The following SRGAP3 variants were observed in gnomAD, a reference collection of about 807,000 sequenced individuals.
SRGAP3 encodes the protein SLIT-ROBO Rho GTPase-activating protein 3.
A neutral mutation model predicts 121.1 loss-of-function variants in SRGAP3; 39 were observed. The ratio of observed to expected loss-of-function variants is 0.32; its 90% CI spans 0.25 to 0.42. The LOEUF is 0.42. Ranked by LOEUF, SRGAP3 falls within the 10% of genes least tolerant of loss-of-function variation. The pLI, the probability that SRGAP3 is intolerant of heterozygous loss-of-function variation, is 1.00. For missense variants in SRGAP3, 1,213 were observed against 1,470.6 expected (o/e 0.82, Z 2.86); for synonymous variants, 601 against 570.0 (o/e 1.05, Z -0.77).
chr3:9,060,097 C>A (rs1166688861), intron 6 of SRGAP3, 134 bp downstream of exon 6: 1 of 1,407,196 alleles, frequency 7.1e-7, no homozygotes, highest in Admixed American at 1.7e-5. Flanking sequence ...CCCTTCCCCT[C>A]CAGCAGGGCT....
At chr3:9,128,318 T>G (rs1002214764) in intron 1 of SRGAP3, among the ~76,000 whole-genome samples, 2 of 152,234 alleles carry the variant, frequency 1.3e-5, no homozygotes, top group Non-Finnish European at 2.9e-5. Flanking sequence ...TAAATCAATA[T>G]AAAAGGAAGA....
At chr3:9,014,200 C>A in intron 15 of SRGAP3, 1 of 365,650 alleles carries the variant, frequency 2.7e-6, no homozygotes, top group East Asian at 6.3e-5. Context: ...TAGAGCCGGA[C>A]GGGGCATATA....
At chr3:9,002,637 T>G (rs1306960308) in intron 18 of SRGAP3, among the ~76,000 whole-genome samples, 1 of 151,518 alleles carries the variant, frequency 6.6e-6, no homozygotes, top group Admixed American at 6.6e-5. Flanking sequence ...ATAGAGAAAA[T>G]CATGAAACCA....
intron 4 of SRGAP3, among the ~76,000 whole-genome samples, chr3:9,067,379 C>T (rs17050000): frequency 0.1 from 15,428 of 151,980 alleles, 894 homozygotes; most frequent in African/African-American, 0.15. Flanking sequence ...GGTGGAAAGA[C>T]GGCTTCTCTG....
intron 3 of SRGAP3, among the ~76,000 whole-genome samples, chr3:9,285,181 T>G (rs1481367085): frequency 1.3e-5 from 2 of 152,144 alleles, no homozygotes; most frequent in South Asian, 2.1e-4. Context: ...GCTAAAATAC[T>G]TCTCCCTATG....
At chr3:9,277,089 A>C (rs1954597939) in intron 3 of SRGAP3, among the ~76,000 whole-genome samples, 2 of 152,220 alleles carry the variant, frequency 1.3e-5, no homozygotes, top group African/African-American at 4.8e-5. Context: ...CCTATTATAA[A>C]AGATTATCTT....
intron 3 of SRGAP3, among the ~76,000 whole-genome samples, chr3:9,281,063 T>C (rs551071971): frequency 1.3e-5 from 2 of 152,314 alleles, no homozygotes; most frequent in East Asian, 3.9e-4. Flanking sequence ...AATAAATTAC[T>C]GGATTGCTAT....
At chr3:9,197,350 C>T (rs1400175765) in intron 1 of SRGAP3, among the ~76,000 whole-genome samples, 1 of 152,224 alleles carries the variant, frequency 6.6e-6, no homozygotes. Flanking sequence ...TAAAAGTCAT[C>T]CTGCTGAGAA....
chr3:9,298,406 G>A (rs1954989887), intron 3 of SRGAP3, among the ~76,000 whole-genome samples: 1 of 152,138 alleles, frequency 6.6e-6, no homozygotes, highest in South Asian at 2.1e-4. Context: ...TCATCATCAT[G>A]TCTTTAGTCT....
chr3:9,011,920 G>A (rs1257520964), intron 17 of SRGAP3, among the ~76,000 whole-genome samples: 1 of 152,182 alleles, frequency 6.6e-6, no homozygotes, highest in Non-Finnish European at 1.5e-5. Context: ...TCTTTGATAA[G>A]TACACGAAGA....
chr3:9,051,859 C>T (rs1169671912), intron 9 of SRGAP3, among the ~76,000 whole-genome samples: 5 of 151,986 alleles, frequency 3.3e-5, no homozygotes, highest in Non-Finnish European at 7.4e-5. Context: ...ACTACAGGTG[C>T]ACGCCACCAC....
chr3:9,362,919 T>A (rs2030985156), exon 1 of SRGAP3: 1 of 152,258 alleles, frequency 6.6e-6, no homozygotes, highest in Non-Finnish European at 1.5e-5. Context: ...CTCTCCGCTT[T>A]CAGCTTACTG....
chr3:9,043,673 C>T (rs571525527), intron 10 of SRGAP3, among the ~76,000 whole-genome samples: 1 of 152,222 alleles, frequency 6.6e-6, no homozygotes, highest in East Asian at 1.9e-4. Context: ...TATCCTTTAC[C>T]TTCTGAGACC....
intron 2 of SRGAP3, among the ~76,000 whole-genome samples, chr3:9,328,421 C>T (rs1000524696): frequency 2.0e-5 from 3 of 152,292 alleles, no homozygotes; most frequent in African/African-American, 4.8e-5. Flanking sequence ...GTAGTGCCTC[C>T]TGTTTTTCCC....
chr3:9,203,659 C>G (rs529012752), intron 1 of SRGAP3, among the ~76,000 whole-genome samples: 6 of 152,284 alleles, frequency 3.9e-5, no homozygotes, highest in Middle Eastern at 3.4e-3. Context: ...GGCCCCTGAG[C>G]TATAAGGGGA....
At chr3:9,254,871 G>C (rs994045752) in intron 3 of SRGAP3, among the ~76,000 whole-genome samples, 1 of 148,086 alleles carries the variant, frequency 6.8e-6, no homozygotes, top group African/African-American at 2.5e-5. Context: ...AAGAGAGAGA[G>C]AGAAAGAGAG....
intron 4 of SRGAP3, among the ~76,000 whole-genome samples, chr3:9,071,256 T>C (rs1283337810): frequency 1.3e-5 from 2 of 152,150 alleles, no homozygotes; most frequent in African/African-American, 2.4e-5. Flanking sequence ...CAGTCTTCTT[T>C]CTTTGGGAAT....
intron 1 of SRGAP3, among the ~76,000 whole-genome samples, chr3:9,188,867 C>T (rs1279858870): frequency 6.6e-6 from 1 of 152,112 alleles, no homozygotes; most frequent in Non-Finnish European, 1.5e-5. Context: ...GCTCCCCTGC[C>T]CATTCTCTCC....
intron 1 of SRGAP3, among the ~76,000 whole-genome samples, chr3:9,338,432 A>G (rs1955728533): frequency 6.6e-6 from 1 of 152,192 alleles, no homozygotes; most frequent in Non-Finnish European, 1.5e-5. Flanking sequence ...TATCTAGCCA[A>G]TTTTGGAATT....
Sources: allele counts gnomAD v4.1 joint callset (sites outside exome capture counted in the v4.1 genomes callset), GRCh38; gene constraint gnomAD v4.1.1; transcripts MANE v1.5; gene names NCBI Gene and HGNC (gene_info 2026-07-23, HGNC 2026-07-21).